NPNT: variants seen among roughly 807,000 people sequenced by gnomAD.
NPNT encodes nephronectin, also known as preosteoblast EGF-like repeat protein with MAM domain.
Under a neutral mutation model 68.6 loss-of-function variants are expected in NPNT, and 45 were observed. That is an observed-to-expected ratio of 0.66 (90% CI 0.52 to 0.84). The LOEUF (loss-of-function observed/expected upper bound fraction) is 0.84, where lower values mean the gene tolerates loss of function less well. Ranked by LOEUF, NPNT falls within the 40% of genes least tolerant of loss-of-function variation. The pLI is 0.00. For missense variants in NPNT, 672 were observed against 714.8 expected (o/e 0.94, Z 0.68); for synonymous variants, 233 against 253.3 (o/e 0.92, Z 0.76).
chr4:105,941,419 A>G (rs1028052656), intron 7 of NPNT, among the ~76,000 whole-genome samples: 2 of 152,202 alleles, frequency 1.3e-5, no homozygotes, highest in Non-Finnish European at 2.9e-5. Flanking sequence ...TAAAATTTTT[A>G]TAAGTTTTAT....
chr4:105,900,834 GTTTT>G (rs765343668), intron 2 of NPNT, among the ~76,000 whole-genome samples: 1 of 96,636 alleles, frequency 1.0e-5, no homozygotes. Flanking sequence ...ACCCTTGGTT[GTTTT>G]TTTTTTTTTT....
At chr4:105,938,542 A>G in intron 5 of NPNT, 122 bp downstream of exon 5, 1 of 944,034 alleles carries the variant, frequency 1.1e-6, no homozygotes, top group Non-Finnish European at 1.6e-6. Flanking sequence ...GCTATCGTTC[A>G]GAAGATATCA....
chr4:105,898,353 TCTCTCTCTCTCTCTCTCTCTCTCTCTC>T (rs1726106913), intron 2 of NPNT, among the ~76,000 whole-genome samples: 5 of 139,406 alleles, frequency 3.6e-5, no homozygotes, highest in Admixed American at 7.1e-5. Flanking sequence ...TCTCTCTCTC[TCTCTCTCTCTCTCTCTCTCTCTCTCTC>T]GCTGACTCGC....
At chr4:105,895,988 A>T in intron 1 of NPNT, 1 of 492,322 alleles carries the variant, frequency 2.0e-6, no homozygotes, top group Non-Finnish European at 3.6e-6. Flanking sequence ...ATTAGGACTG[A>T]GGGAGAGGAG....
intron 8 of NPNT, among the ~76,000 whole-genome samples, chr4:105,954,431 C>T (rs1731062256): frequency 6.6e-6 from 1 of 152,174 alleles, no homozygotes; most frequent in South Asian, 2.1e-4. Context: ...CATAATTCCC[C>T]TATGACACCC....
intron 5 of NPNT, among the ~76,000 whole-genome samples, chr4:105,938,805 G>A (rs1256860980): frequency 3.9e-5 from 6 of 152,154 alleles, no homozygotes; most frequent in African/African-American, 1.4e-4. Flanking sequence ...TTTTTTTCTG[G>A]TAAATTAGGA....
At chr4:105,905,651 A>T (rs1726828945) in intron 2 of NPNT, among the ~76,000 whole-genome samples, 1 of 152,152 alleles carries the variant, frequency 6.6e-6, no homozygotes, top group Non-Finnish European at 1.5e-5. Flanking sequence ...TAATTAATTT[A>T]AAAATCCCCT....
Position 105,895,540 on chromosome 4 carries a change from G to A in NPNT, c.-113G>A. 1 of 843,932 alleles carries A rather than the reference G, an allele frequency of 1.2e-6. No homozygotes were observed. The allele number at this position is 843,932 out of a possible 1,614,324, so 52.3% of individuals were successfully genotyped here. On this transcript the variant is annotated 5_prime_UTR_variant, in exon 1 of 12. Transcript: ENST00000379987. ...GGGAGCGGCAGCAGTAGCCCGGGCG[G>A]CGAGGGCTGGGGGTTCCTCGAGACT...
chr4:105,932,017 A>T (rs1328073838), intron 3 of NPNT, among the ~76,000 whole-genome samples: 1 of 152,222 alleles, frequency 6.6e-6, no homozygotes, highest in East Asian at 1.9e-4. Context: ...GCAACAGTTA[A>T]CATTTTTTTG....
intron 8 of NPNT, among the ~76,000 whole-genome samples, chr4:105,947,639 C>G (rs1255666022): frequency 6.6e-6 from 1 of 152,162 alleles, no homozygotes; most frequent in Non-Finnish European, 1.5e-5. Context: ...ACTCCATGTA[C>G]TCAAAGACAC....
In NPNT at chr4:105,927,491, A is replaced by G. The variant is rs879071108; in HGVS notation, c.265+63A>G. ...CACCTCTATCACTCCCAAATTAAAA[A>G]TATTCTTATCTCAAACTACTTTCCA... On this transcript the variant is annotated intron_variant, in intron 3 of 11. Coordinates refer to ENST00000379987, the MANE Select transcript of NPNT (RefSeq NM_001033047.3). 1.3e-5 allele frequency: 13 copies of G among 965,852 alleles called. No individual in the cohort carries two copies. In the South Asian group the frequency reaches 2.2e-4, roughly 16 times the overall value. The allele number at this position is 965,852 out of a possible 1,614,324, so 59.8% of individuals were successfully genotyped here.
At chr4:105,896,219 A>C (rs1725831611) in intron 1 of NPNT, among the ~76,000 whole-genome samples, 1 of 151,036 alleles carries the variant, frequency 6.6e-6, no homozygotes, top group African/African-American at 2.4e-5. Context: ...GCTACGGGGG[A>C]GATTTGTGGG....
chr4:105,963,119 G>A (rs1400708845), intron 10 of NPNT, among the ~76,000 whole-genome samples: 1 of 152,120 alleles, frequency 6.6e-6, no homozygotes, highest in Non-Finnish European at 1.5e-5. Flanking sequence ...CAGCTACTCA[G>A]TAGGCTGAGG....
intron 8 of NPNT, among the ~76,000 whole-genome samples, chr4:105,957,570 C>G (rs144952890): frequency 6.6e-6 from 1 of 152,264 alleles, no homozygotes; most frequent in African/African-American, 2.4e-5. Flanking sequence ...GTCACCAGGT[C>G]AAGCCCTGGA....
chr4:105,921,721 T>C (rs1274047684), intron 2 of NPNT, among the ~76,000 whole-genome samples: 4 of 152,136 alleles, frequency 2.6e-5, no homozygotes, highest in African/African-American at 9.7e-5. Context: ...CTGTACAATC[T>C]CCCTCCATTC....
chr4:105,910,888 A>C (rs79161294), intron 2 of NPNT, among the ~76,000 whole-genome samples: 1,763 of 152,268 alleles, frequency 0.012, 41 homozygotes, highest in African/African-American at 0.04. Context: ...ACAACTAGTT[A>C]GAACATAATG....
intron 2 of NPNT, among the ~76,000 whole-genome samples, chr4:105,921,454 G>T (rs564218306): frequency 1.3e-5 from 2 of 152,274 alleles, no homozygotes; most frequent in African/African-American, 4.8e-5. Context: ...AATTCAGTCA[G>T]TCATATGAAA....
At chr4:105,898,332 C>CTG (rs1726091674) in intron 2 of NPNT, among the ~76,000 whole-genome samples, 7 of 82,236 alleles carry the variant, frequency 8.5e-5, no homozygotes, top group South Asian at 8.0e-4. Flanking sequence ...CTCTCTGTCT[C>CTG]TCTCTCTCTC....
chr4:105,927,464 G>T, intron 3 of NPNT, 36 bp downstream of exon 3: 1 of 1,277,068 alleles, frequency 7.8e-7, no homozygotes, highest in South Asian at 1.2e-5. Flanking sequence ...CACAATCGAA[G>T]ACACCTCTAT....
Sources: gnomAD v4.1 joint callset for allele counts (sites outside exome capture counted in the v4.1 genomes callset) on GRCh38, gnomAD v4.1.1 for gene constraint, MANE v1.5 for transcripts, NCBI Gene and HGNC (gene_info 2026-07-23, HGNC 2026-07-21) for gene names.